The following TRA2B variants were observed in gnomAD, a reference collection of about 807,000 sequenced individuals.
The protein encoded by TRA2B is transformer-2 protein homolog beta.
In TRA2B, 14 loss-of-function variants were observed where a neutral mutation model predicts 41.7. The observed-to-expected ratio is 0.34, with a 90% CI of 0.22 to 0.53. The LOEUF (loss-of-function observed/expected upper bound fraction) is 0.53, where lower values mean the gene tolerates loss of function less well. Ranked by LOEUF, TRA2B falls within the 20% of genes least tolerant of loss-of-function variation. The probability of loss-of-function intolerance (pLI) is 0.95; values close to 1 mark genes in which losing one functional copy is unlikely to be tolerated. For synonymous variants in TRA2B, 130 were observed against 128.8 expected, an observed-to-expected ratio of 1.01 and a Z score of -0.06; for missense variants, 167 against 396.8, an observed-to-expected ratio of 0.42 and a Z score of 4.92.
At chr3:185,937,569 T>G (rs1744414708) in intron 1 of TRA2B, 1 of 952,818 alleles carries the variant, frequency 1.0e-6, no homozygotes, top group South Asian at 3.1e-5. Context: ...CTTCCCCCTC[T>G]TATAACGGGA....
intron 6 of TRA2B, among the ~76,000 whole-genome samples, chr3:185,920,164 T>C (rs1245859894): frequency 2.0e-5 from 3 of 152,260 alleles, no homozygotes; most frequent in Admixed American, 1.3e-4. Context: ...CTTGTCATAC[T>C]AAATTAACAT....
intron 1 of TRA2B, among the ~76,000 whole-genome samples, chr3:185,932,012 GT>G (rs1744166986): frequency 6.7e-6 from 1 of 150,136 alleles, no homozygotes; most frequent in Non-Finnish European, 1.5e-5. Context: ...AAACTACATA[GT>G]TTTCTGCTGG....
intron 1 of TRA2B, chr3:185,937,246 G>A (rs1036350545): frequency 1.0e-6 from 1 of 985,948 alleles, no homozygotes; most frequent in South Asian, 4.6e-5. Flanking sequence ...CATCTTAAGA[G>A]GCCCCAAAGA....
At chr3:185,931,229 C>T (rs1370942649) in intron 1 of TRA2B, among the ~76,000 whole-genome samples, 1 of 152,134 alleles carries the variant, frequency 6.6e-6, no homozygotes, top group Non-Finnish European at 1.5e-5. Context: ...ACAGTGCAAT[C>T]TAAGAGTCCA....
At chr3:185,926,550 C>T (rs1284292093) in intron 2 of TRA2B, 51 bp downstream of exon 2, 1 of 1,606,744 alleles carries the variant, frequency 6.2e-7, no homozygotes, top group South Asian at 1.1e-5. Flanking sequence ...AAAACACGCA[C>T]CAATTTCAGA....
rs781283278 is a variant in TRA2B at position 185,937,824 on chromosome 3, C to G, written c.36+1G>C. 7 of 1,614,146 alleles carry G rather than the reference C, an allele frequency of 4.3e-6. No homozygotes were observed. The highest frequency in any genetic ancestry group is 5.9e-6 in the Non-Finnish European group (7 of 1,180,040). On this transcript the variant is annotated splice_donor_variant, in intron 1 of 8. Coordinates refer to ENST00000453386, the MANE Select transcript of TRA2B (RefSeq NM_004593.3). LOFTEE classifies it high-confidence loss of function. The stretch of plus-strand genomic sequence containing the variant: ...CCACCCCCTACCGCAGCTCTACGTA[C>G]CCGCTCGCCGTAGTTCTGCTCGCCG...
rs746978041 is a variant in TRA2B at position 185,919,471 on chromosome 3, ATCC to A, written c.745_747del (p.Gly249del). ...TGATCCCTGTCTTGGGCAGCTCTCC[ATCC>A]TCCTCCTCCTCCACCTCCTCCTCTG... On this transcript the variant is annotated inframe_deletion, in exon 7 of 9. Transcript: ENST00000453386. 50 of 1,611,016 alleles carry A rather than the reference ATCC, an allele frequency of 3.1e-5. No individual in the cohort carries two copies. The highest frequency in any genetic ancestry group is 1.3e-4 in the Admixed American group (8 of 59,648).
intron 5 of TRA2B, among the ~76,000 whole-genome samples, chr3:185,921,446 A>C (rs1460666669): frequency 2.0e-5 from 3 of 152,198 alleles, no homozygotes; most frequent in Admixed American, 1.3e-4. Flanking sequence ...AAGAGGAAAC[A>C]AAAATAGTAT....
chr3:185,924,132 C>T, intron 3 of TRA2B, 148 bp from the exon 4 acceptor site: 1 of 583,180 alleles, frequency 1.7e-6, no homozygotes, highest in Non-Finnish European at 2.7e-6. Flanking sequence ...TACAAAATTA[C>T]AGCAAGTACT....
intron 8 of TRA2B, 33 bp from the exon 9 acceptor site, chr3:185,917,758 TAAGTG>T (rs1415788299): frequency 6.2e-7 from 1 of 1,601,922 alleles, no homozygotes; most frequent in Non-Finnish European, 8.5e-7. Flanking sequence ...GCTTTAATAT[TAAGTG>T]AACTAATTAT....
chr3:185,916,995 G>A lies in TRA2B; in HGVS notation c.*720C>T, dbSNP rs1029918741. ...ATGTATTGTCACTTGCTGATAACTAGTTGAAATACCATTATCCCCTTGTAA... is the reference window on the plus strand; with the variant it reads ...ATGTATTGTCACTTGCTGATAACTAATTGAAATACCATTATCCCCTTGTAA... On this transcript the variant is annotated 3_prime_UTR_variant, in exon 9 of 9. Transcript: ENST00000453386. 8 of 152,552 alleles carry A rather than the reference G, an allele frequency of 5.2e-5. No homozygotes were observed. The highest frequency in any genetic ancestry group is 1.0e-4 in the Non-Finnish European group (7 of 68,024). 9.4% of individuals were successfully genotyped at this position (152,552 alleles called of 1,614,324 possible).
At chr3:185,921,463 G>A (rs185375281) in intron 5 of TRA2B, among the ~76,000 whole-genome samples, 144 of 152,236 alleles carry the variant, frequency 9.5e-4, no homozygotes, top group African/African-American at 3.3e-3. Flanking sequence ...GTATCACTTT[G>A]CTCTATTTAA....
chr3:185,937,536 G>T, intron 1 of TRA2B: 1 of 1,007,660 alleles, frequency 9.9e-7, no homozygotes, highest in Non-Finnish European at 1.3e-6. Context: ...CCAACACCGC[G>T]GGGACGCAGC....
intron 6 of TRA2B, among the ~76,000 whole-genome samples, chr3:185,920,040 T>C (rs954277013): frequency 1.7e-4 from 26 of 152,168 alleles, no homozygotes; most frequent in Non-Finnish European, 3.8e-4. Flanking sequence ...TTTTACTTCA[T>C]TTTTATCTTT....
chr3:185,935,257 C>CT (rs1273911092), intron 1 of TRA2B: 1 of 985,290 alleles, frequency 1.0e-6, no homozygotes, highest in African/African-American at 1.7e-5. Context: ...CGAGATCTTA[C>CT]TTTTGAAAGT....
chr3:185,917,759 A>C (rs763270389), intron 8 of TRA2B, 34 bp from the exon 9 acceptor site: 2 of 1,602,776 alleles, frequency 1.2e-6, no homozygotes, highest in Admixed American at 1.7e-5. Flanking sequence ...CTTTAATATT[A>C]AGTGAACTAA....
At chr3:185,934,880 C>T in intron 1 of TRA2B, 1 of 985,374 alleles carries the variant, frequency 1.0e-6, no homozygotes, top group Non-Finnish European at 1.2e-6. Context: ...AAAATAATAG[C>T]CAGTATTCTA....
At chr3:185,922,667 C>T (rs1743786580) in intron 4 of TRA2B, 1 of 152,362 alleles carries the variant, frequency 6.6e-6, no homozygotes, top group South Asian at 2.1e-4. Flanking sequence ...TGGAAGTTTT[C>T]TTAGCCCTTC....
At chr3:185,926,339 TG>T (rs1489916128) in intron 2 of TRA2B, among the ~76,000 whole-genome samples, 5 of 151,554 alleles carry the variant, frequency 3.3e-5, no homozygotes, top group African/African-American at 1.2e-4. Context: ...GAACTGGTAC[TG>T]TATTACTAAT....
Sources: allele counts gnomAD v4.1 joint callset (sites outside exome capture counted in the v4.1 genomes callset), GRCh38; gene constraint gnomAD v4.1.1; transcripts MANE v1.5; gene names NCBI Gene and HGNC (gene_info 2026-07-23, HGNC 2026-07-21).